The following ZMAT4 variants were observed in gnomAD, a reference collection of about 807,000 sequenced individuals.
The protein encoded by ZMAT4 is zinc finger matrin-type protein 4.
Under a neutral mutation model 28.7 loss-of-function variants are expected in ZMAT4, and 17 were observed. The ratio of observed to expected loss-of-function variants is 0.59; its 90% CI spans 0.41 to 0.89. The LOEUF is 0.89. ZMAT4 is among the 40% of genes least tolerant of loss of function. The pLI is 0.00. For synonymous variants in ZMAT4, 117 were observed against 109.2 expected (o/e 1.07, Z -0.44); for missense variants, 240 against 283.8 (o/e 0.85, Z 1.11).
At chr8:40,580,710 A>G (rs1424173275) in intron 6 of ZMAT4, among the ~76,000 whole-genome samples, 1 of 152,156 alleles carries the variant, frequency 6.6e-6, no homozygotes, top group Admixed American at 6.5e-5. Context: ...ATTGTATATA[A>G]ATGTCATTGT....
At chr8:40,637,975 A>G (rs1426712234) in intron 5 of ZMAT4, among the ~76,000 whole-genome samples, 1 of 152,230 alleles carries the variant, frequency 6.6e-6, no homozygotes, top group Non-Finnish European at 1.5e-5. Flanking sequence ...CAAATGCCAC[A>G]TGATGTCACT....
intron 3 of ZMAT4, among the ~76,000 whole-genome samples, chr8:40,743,915 T>A (rs866451169): frequency 2.0e-5 from 3 of 151,890 alleles, no homozygotes; most frequent in African/African-American, 4.8e-5. Context: ...GATCCGTGAG[T>A]GAGGAATGGG....
intron 1 of ZMAT4, among the ~76,000 whole-genome samples, chr8:40,886,946 C>T (rs1022092976): frequency 6.6e-6 from 1 of 151,862 alleles, no homozygotes; most frequent in Non-Finnish European, 1.5e-5. Flanking sequence ...CCAAGGCGGG[C>T]AGAACACGAG....
chr8:40,863,177 G>A (rs1306191341), intron 1 of ZMAT4, among the ~76,000 whole-genome samples: 2 of 152,242 alleles, frequency 1.3e-5, no homozygotes, highest in East Asian at 1.9e-4. Flanking sequence ...AAGGGTCTGG[G>A]TGTGATCCCA....
chr8:40,803,893 A>C (rs974134354), intron 2 of ZMAT4, among the ~76,000 whole-genome samples: 1 of 152,206 alleles, frequency 6.6e-6, no homozygotes, highest in Non-Finnish European at 1.5e-5. Context: ...ATTATTCATC[A>C]CTAAAAAGAA....
At chr8:40,858,662 A>T (rs1817383527) in intron 1 of ZMAT4, among the ~76,000 whole-genome samples, 1 of 152,144 alleles carries the variant, frequency 6.6e-6, no homozygotes, top group South Asian at 2.1e-4. Flanking sequence ...GGGTGAAAAA[A>T]GGTTCCCATA....
intron 6 of ZMAT4, among the ~76,000 whole-genome samples, chr8:40,543,517 T>A (rs1272741805): frequency 1.3e-5 from 2 of 152,294 alleles, no homozygotes; most frequent in African/African-American, 4.8e-5. Context: ...CAGCAGGACA[T>A]CGAGGATATG....
intron 6 of ZMAT4, among the ~76,000 whole-genome samples, chr8:40,576,925 G>T (rs1342157962): frequency 1.3e-5 from 2 of 152,310 alleles, no homozygotes; most frequent in African/African-American, 4.8e-5. Context: ...TGGGTGTGGT[G>T]GCTCACACCT....
chr8:40,704,449 G>A (rs572935817), intron 3 of ZMAT4, among the ~76,000 whole-genome samples: 73 of 152,206 alleles, frequency 4.8e-4, no homozygotes, highest in Non-Finnish European at 7.1e-4. Flanking sequence ...ATTTCAAGAC[G>A]TCTGCAAATT....
intron 1 of ZMAT4, among the ~76,000 whole-genome samples, chr8:40,875,588 G>T (rs936909153): frequency 6.6e-6 from 1 of 152,188 alleles, no homozygotes; most frequent in Non-Finnish European, 1.5e-5. Context: ...GCTAGAGTGT[G>T]TGTGGGGTGT....
intron 4 of ZMAT4, among the ~76,000 whole-genome samples, chr8:40,692,177 T>G (rs1436971592): frequency 5.3e-5 from 8 of 152,188 alleles, no homozygotes; most frequent in Non-Finnish European, 1.2e-4. Context: ...CAGTAATAAC[T>G]GTGGTCCCTG....
intron 5 of ZMAT4, among the ~76,000 whole-genome samples, chr8:40,666,341 T>C (rs1808412907): frequency 6.6e-6 from 1 of 152,166 alleles, no homozygotes; most frequent in African/African-American, 2.4e-5. Flanking sequence ...GTATCATCTT[T>C]TTCTGGAACA....
At chr8:40,652,370 A>G (rs2118822589) in intron 5 of ZMAT4, among the ~76,000 whole-genome samples, 1 of 123,968 alleles carries the variant, frequency 8.1e-6, no homozygotes, top group South Asian at 3.4e-4. Context: ...ATGCAAATCA[A>G]AACCACAATG....
chr8:40,717,535 C>T (rs749798076), intron 3 of ZMAT4, among the ~76,000 whole-genome samples: 2 of 151,992 alleles, frequency 1.3e-5, no homozygotes, highest in Non-Finnish European at 2.9e-5. Context: ...GTGGTGCATG[C>T]CTCTAGTCCC....
At chr8:40,563,829 T>C (rs1361709208) in intron 6 of ZMAT4, among the ~76,000 whole-genome samples, 1 of 152,070 alleles carries the variant, frequency 6.6e-6, no homozygotes, top group Non-Finnish European at 1.5e-5. Flanking sequence ...TCCTTGACTC[T>C]GAAAACTAGT....
At chr8:40,888,038 G>A (rs565764792) in intron 1 of ZMAT4, among the ~76,000 whole-genome samples, 3 of 152,206 alleles carry the variant, frequency 2.0e-5, no homozygotes, top group Non-Finnish European at 4.4e-5. Context: ...CATGAATCCT[G>A]TGAGTCCGTG....
At chr8:40,640,154 T>G (rs1489845735) in intron 5 of ZMAT4, among the ~76,000 whole-genome samples, 1 of 152,132 alleles carries the variant, frequency 6.6e-6, no homozygotes, top group African/African-American at 2.4e-5. Flanking sequence ...GTTTTCTTGT[T>G]TTTTGTAGAG....
intron 5 of ZMAT4, among the ~76,000 whole-genome samples, chr8:40,637,719 C>T (rs866163789): frequency 2.6e-5 from 4 of 152,190 alleles, no homozygotes; most frequent in Admixed American, 6.5e-5. Flanking sequence ...AAACCACACA[C>T]GTGACTCAGG....
chr8:40,552,634 A>C (rs1766652249), intron 6 of ZMAT4, among the ~76,000 whole-genome samples: 2 of 152,186 alleles, frequency 1.3e-5, no homozygotes, highest in South Asian at 4.1e-4. Context: ...ACATAAGCCA[A>C]ACTCTACTGG....
Sources: allele counts gnomAD v4.1 joint callset (sites outside exome capture counted in the v4.1 genomes callset), GRCh38; gene constraint gnomAD v4.1.1; transcripts MANE v1.5; gene names NCBI Gene and HGNC (gene_info 2026-07-23, HGNC 2026-07-21).